The following RIN2 variants were observed in gnomAD, a reference collection of about 807,000 sequenced individuals.
The protein encoded by RIN2 is Ras and Rab interactor 2.
A neutral mutation model predicts 78.0 loss-of-function variants in RIN2; 36 were observed. The observed-to-expected ratio is 0.46, with a 90% CI of 0.35 to 0.61. The LOEUF (loss-of-function observed/expected upper bound fraction) is 0.61, where lower values mean the gene tolerates loss of function less well. RIN2 is among the 20% of genes least tolerant of loss of function. The pLI is 0.00. For missense variants in RIN2, 1,087 were observed against 1,159.7 expected (o/e 0.94, Z 0.91); for synonymous variants, 466 against 466.8 (o/e 1.00, Z 0.02).
At chr20:19,833,671 C>T (rs914550975) in intron 2 of RIN2, among the ~76,000 whole-genome samples, 25 of 152,302 alleles carry the variant, frequency 1.6e-4, no homozygotes, top group Non-Finnish European at 2.9e-4. Flanking sequence ...TGTAGCAGTG[C>T]GCTTGGGGCC....
intron 2 of RIN2, among the ~76,000 whole-genome samples, chr20:19,848,998 G>C (rs17372777): frequency 0.035 from 5,394 of 152,158 alleles, 154 homozygotes; most frequent in South Asian, 0.12. Flanking sequence ...CTTTCCTCAG[G>C]TCTCTGTACA....
chr20:19,880,829 T>C (rs1231664977), intron 2 of RIN2, among the ~76,000 whole-genome samples: 2 of 152,198 alleles, frequency 1.3e-5, no homozygotes, highest in Non-Finnish European at 2.9e-5. Flanking sequence ...AGATCTCTAA[T>C]GTCTGGTTCC....
At chr20:19,924,485 T>TA (rs2040118790) in intron 3 of RIN2, among the ~76,000 whole-genome samples, 2 of 103,248 alleles carry the variant, frequency 1.9e-5, no homozygotes, top group Admixed American at 1.1e-4. Flanking sequence ...CCCACCTTCA[T>TA]ACCCCACCTT....
intron 3 of RIN2, among the ~76,000 whole-genome samples, chr20:19,904,246 T>A (rs201348279): frequency 0.3 from 43,919 of 144,048 alleles, 7,984 homozygotes; most frequent in Non-Finnish European, 0.4. Flanking sequence ...AAAAAATATA[T>A]ATATATATAT....
At chr20:19,897,032 G>A (rs981464444) in intron 3 of RIN2, among the ~76,000 whole-genome samples, 2 of 152,034 alleles carry the variant, frequency 1.3e-5, no homozygotes, top group Non-Finnish European at 2.9e-5. Flanking sequence ...TTGAAAACAT[G>A]TATTATTCCA....
At chr20:19,810,077 C>T (rs1282769230) in intron 2 of RIN2, among the ~76,000 whole-genome samples, 1 of 152,030 alleles carries the variant, frequency 6.6e-6, no homozygotes, top group African/African-American at 2.4e-5. Context: ...CCTAGGGCTC[C>T]ACCATCCACA....
chr20:19,760,169 C>T (rs2033578527), intron 1 of RIN2, among the ~76,000 whole-genome samples: 1 of 152,190 alleles, frequency 6.6e-6, no homozygotes, highest in Non-Finnish European at 1.5e-5. Context: ...TTGGCACCTC[C>T]AGAGAGAGCA....
chr20:19,830,272 A>T (rs1453394398), intron 2 of RIN2, among the ~76,000 whole-genome samples: 1 of 150,394 alleles, frequency 6.6e-6, no homozygotes, highest in Non-Finnish European at 1.5e-5. Context: ...ATTTTTTTTT[A>T]CCAAGTTCTC....
At chr20:19,911,918 C>T (rs187140349) in intron 3 of RIN2, among the ~76,000 whole-genome samples, 4 of 152,220 alleles carry the variant, frequency 2.6e-5, no homozygotes, top group South Asian at 2.1e-4. Flanking sequence ...GTGAGCCCAG[C>T]GTACAGATGT....
At chr20:19,917,903 G>T (rs1270204848) in intron 3 of RIN2, among the ~76,000 whole-genome samples, 1 of 152,142 alleles carries the variant, frequency 6.6e-6, no homozygotes, top group African/African-American at 2.4e-5. Context: ...ATTGCCCAAA[G>T]CATTCTTTTA....
intron 2 of RIN2, among the ~76,000 whole-genome samples, chr20:19,877,997 G>A (rs374299945): frequency 1.2e-4 from 18 of 152,184 alleles, no homozygotes; most frequent in Non-Finnish European, 2.5e-4. Flanking sequence ...TCTAGTCTGG[G>A]CGACAGAGTA....
rs150140870 is a variant in RIN2 at position 19,932,585 on chromosome 20, G to A, written c.58-2514G>A. Reference sequence around the variant, plus strand: ...GGTCCTTACTGCAGTCACAGGCACCGAGGGGATGGATCAAGCATGAAGGGC... The same window carrying A: ...GGTCCTTACTGCAGTCACAGGCACCAAGGGGATGGATCAAGCATGAAGGGC... On this transcript the variant is annotated intron_variant, in intron 3 of 12. Transcript: ENST00000255006. Among the ~76,000 whole-genome samples, 608 of 152,222 alleles carry A rather than the reference G, an allele frequency of 4.0e-3. 7 individuals carry two copies. The highest frequency in any genetic ancestry group is 0.013 in the African/African-American group (544 of 41,538).
intron 9 of RIN2, among the ~76,000 whole-genome samples, chr20:19,984,986 A>G (rs547247864): frequency 2.6e-5 from 4 of 152,288 alleles, no homozygotes; most frequent in African/African-American, 9.6e-5. Flanking sequence ...GTGGACAATG[A>G]TTCTGATGGC....
intron 1 of RIN2, among the ~76,000 whole-genome samples, chr20:19,792,732 C>A (rs550926910): frequency 6.6e-6 from 1 of 152,226 alleles, no homozygotes; most frequent in East Asian, 1.9e-4. Context: ...CCTCTTCCAG[C>A]TACAAAATGA....
chr20:19,823,899 C>T (rs1479680863), intron 2 of RIN2: 21 of 1,597,642 alleles, frequency 1.3e-5, no homozygotes, highest in Admixed American at 8.5e-5. Context: ...CGGTGCACCT[C>T]AGGTATACGA....
At position 19,974,705 on chromosome 20, in the gene RIN2, A is replaced by G. The variant is rs376707717; in HGVS notation, c.680A>G (p.His227Arg). The change falls in exon 9 of 13, where the codon CAT (histidine) becomes CGT (arginine). Residue 227 changes from histidine (H) to arginine (R), a missense_variant. His to Arg is a conservative substitution (Grantham distance 29). This residue lies in a region of RIN2 where 706 missense variants were observed against 667.5 expected (regional missense o/e 1.06). Coordinates refer to ENST00000255006, the MANE Select transcript of RIN2 (RefSeq NM_018993.4). ...AAACCCCCGAACCTTCCACCTCCCC[A>G]TAGGCCTCTTTCCTCCGACGGTGTC... ...DSKPPNLPPPHRPLSSDGVCP... is the reference protein window; with the variant it reads ...DSKPPNLPPPRRPLSSDGVCP... 6 of 1,613,814 alleles carry G rather than the reference A, an allele frequency of 3.7e-6. No homozygotes were observed. Among genetic ancestry groups the G allele is most frequent in the Non-Finnish European group, 5.1e-6 (6 of 1,179,856 alleles).
chr20:19,874,768 G>A (rs993405774), intron 2 of RIN2, among the ~76,000 whole-genome samples: 3 of 152,194 alleles, frequency 2.0e-5, no homozygotes, highest in Non-Finnish European at 4.4e-5. Flanking sequence ...TAGCAACTGA[G>A]ATTGAATAGT....
chr20:19,802,606 G>T (rs527285868), intron 2 of RIN2, among the ~76,000 whole-genome samples: 1 of 152,200 alleles, frequency 6.6e-6, no homozygotes, highest in African/African-American at 2.4e-5. Context: ...CATCACTGAA[G>T]AATTCCTTGG....
chr20:19,863,278 A>G (rs1244599342), intron 2 of RIN2, among the ~76,000 whole-genome samples: 1 of 152,204 alleles, frequency 6.6e-6, no homozygotes, highest in African/African-American at 2.4e-5. Context: ...TAACATTTGC[A>G]GTGATTAAGG....
Sources: allele counts gnomAD v4.1 joint callset (sites outside exome capture counted in the v4.1 genomes callset), GRCh38; gene constraint gnomAD v4.1.1; regional missense constraint gnomAD v4.1.1; transcripts MANE v1.5; gene names NCBI Gene and HGNC (gene_info 2026-07-23, HGNC 2026-07-21).